PRKCE: variants seen among roughly 807,000 people sequenced by gnomAD.
The protein encoded by PRKCE is protein kinase C epsilon.
A neutral mutation model predicts 85.4 loss-of-function variants in PRKCE; 16 were observed. That is an observed-to-expected ratio of 0.19 (90% CI 0.13 to 0.28). The LOEUF is 0.28. Ranked by LOEUF, PRKCE falls within the 10% of genes least tolerant of loss-of-function variation. The pLI, the probability that PRKCE is intolerant of heterozygous loss-of-function variation, is 1.00. For missense variants in PRKCE, 573 were observed against 975.2 expected, an observed-to-expected ratio of 0.59 and a Z score of 5.49; for synonymous variants, 388 against 371.5, an observed-to-expected ratio of 1.04 and a Z score of -0.51.
At chr2:45,801,308 G>A (rs1040558028) in intron 1 of PRKCE, among the ~76,000 whole-genome samples, 9 of 152,302 alleles carry the variant, frequency 5.9e-5, no homozygotes, top group Admixed American at 5.9e-4. Flanking sequence ...CCTTATTAGA[G>A]GTTGGATTTA....
rs185298576 is a variant in PRKCE at position 46,005,778 on chromosome 2, C to T, written c.1063+1140C>T. Reference sequence around the variant, plus strand: ...TCCCTCTTCGTGCTACTCCAATTAACTTTCTGTGTCTTTATACTCTACCTC... The same window carrying T: ...TCCCTCTTCGTGCTACTCCAATTAATTTTCTGTGTCTTTATACTCTACCTC... On this transcript the variant is annotated intron_variant, in intron 8 of 14. Transcript: ENST00000306156. Among the ~76,000 whole-genome samples the T allele has an allele frequency of 8.5e-5, 13 of 152,300 alleles. No individual in the cohort carries two copies. The East Asian group carries it at 2.3e-3, about 27-fold the overall frequency.
chr2:45,955,700 C>T (rs1170031294), intron 2 of PRKCE, among the ~76,000 whole-genome samples: 1 of 152,124 alleles, frequency 6.6e-6, no homozygotes, highest in Non-Finnish European at 1.5e-5. Context: ...GGCAGATGTT[C>T]ATTCTAAATT....
intron 6 of PRKCE, among the ~76,000 whole-genome samples, chr2:45,987,917 G>A (rs1202086848): frequency 6.6e-6 from 1 of 152,184 alleles, no homozygotes; most frequent in East Asian, 1.9e-4. Flanking sequence ...CCAAGGCAGG[G>A]GCTGCTTGTG....
intron 2 of PRKCE, among the ~76,000 whole-genome samples, chr2:45,849,096 G>A (rs559353774): frequency 1.6e-4 from 24 of 152,348 alleles, no homozygotes; most frequent in African/African-American, 5.3e-4. Flanking sequence ...GCAGTCGTCA[G>A]TATTGCAGGC....
At chr2:46,064,816 T>G (rs1342810179) in intron 10 of PRKCE, among the ~76,000 whole-genome samples, 3 of 152,202 alleles carry the variant, frequency 2.0e-5, no homozygotes, top group African/African-American at 7.2e-5. Context: ...TTATAGAATT[T>G]TGCTACTTGA....
At position 45,889,578 on chromosome 2, in the gene PRKCE, G is replaced by A. The variant is rs540432105; in HGVS notation, c.412+46515G>A. Among the ~76,000 whole-genome samples the A allele has an allele frequency of 3.3e-5, 5 of 152,004 alleles. No individual in the cohort carries two copies. In the South Asian group the frequency reaches 6.2e-4, roughly 19 times the overall value. On this transcript the variant is annotated intron_variant, in intron 2 of 14. Coordinates refer to ENST00000306156, the MANE Select transcript of PRKCE (RefSeq NM_005400.3). ...GTACTGGCTGTTGGTGGGGTGGGGT[G>A]GGGTGGGGGAAGCCCTCAAATCTGA...
chr2:45,978,956 A>T lies in PRKCE; in HGVS notation c.573-20A>T. The T allele has an allele frequency of 6.3e-7, 1 of 1,596,908 alleles. No individual in the cohort carries two copies. Among genetic ancestry groups the T allele is most frequent in the South Asian group, 1.1e-5 (1 of 90,376 alleles). On this transcript the variant is annotated intron_variant, in intron 3 of 14. Transcript: ENST00000306156. ...GGTAAGATTTCACTTTTTTTAAAAA[A>T]ATGTTATTCTTCTTTTCAGGGGTGT...
At chr2:45,678,148 A>T (rs1363496081) in intron 1 of PRKCE, among the ~76,000 whole-genome samples, 10 of 152,176 alleles carry the variant, frequency 6.6e-5, no homozygotes, top group Non-Finnish European at 1.2e-4. Context: ...TTGTGTGCAT[A>T]TGTGAATACA....
chr2:45,664,325 T>G (rs1012837500), intron 1 of PRKCE, among the ~76,000 whole-genome samples: 1 of 152,242 alleles, frequency 6.6e-6, no homozygotes, highest in Non-Finnish European at 1.5e-5. Context: ...GACAAATAAT[T>G]TAGCCTATAT....
intron 1 of PRKCE, among the ~76,000 whole-genome samples, chr2:45,787,430 T>G (rs556777570): frequency 6.6e-6 from 1 of 152,304 alleles, no homozygotes; most frequent in South Asian, 2.1e-4. Context: ...AGTCATCACC[T>G]CTGGGCAATG....
chr2:45,852,493 T>C (rs912665453), intron 2 of PRKCE, among the ~76,000 whole-genome samples: 2 of 152,158 alleles, frequency 1.3e-5, no homozygotes, highest in Non-Finnish European at 2.9e-5. Flanking sequence ...GCAGGCACCA[T>C]GCTAAGAGCT....
intron 2 of PRKCE, among the ~76,000 whole-genome samples, chr2:45,947,899 T>C (rs570113246): frequency 6.6e-6 from 1 of 152,342 alleles, no homozygotes; most frequent in African/African-American, 2.4e-5. Flanking sequence ...TAATAAAGTT[T>C]GGAGTTGTAA....
At chr2:45,964,044 T>C (rs1022652009) in intron 2 of PRKCE, among the ~76,000 whole-genome samples, 17 of 152,340 alleles carry the variant, frequency 1.1e-4, no homozygotes, top group African/African-American at 4.1e-4. Flanking sequence ...CTGGGTGATG[T>C]GGAATGGCTG....
At chr2:45,964,351 C>T (rs926745185) in intron 2 of PRKCE, among the ~76,000 whole-genome samples, 1 of 152,188 alleles carries the variant, frequency 6.6e-6, no homozygotes, top group Non-Finnish European at 1.5e-5. Flanking sequence ...GCTCAGGTGC[C>T]CGAGAATGCA....
At chr2:46,100,552 C>T (rs1232667073) in intron 11 of PRKCE, among the ~76,000 whole-genome samples, 1 of 152,168 alleles carries the variant, frequency 6.6e-6, no homozygotes, top group Non-Finnish European at 1.5e-5. Context: ...GAGACAACAC[C>T]CTCTCGGAAG....
chr2:45,886,043 C>T (rs1434414169), intron 2 of PRKCE, among the ~76,000 whole-genome samples: 2 of 152,202 alleles, frequency 1.3e-5, no homozygotes, highest in Non-Finnish European at 2.9e-5. Flanking sequence ...TCCTGCTCCT[C>T]CTCTTCCTCC....
In PRKCE at chr2:45,794,503, T is replaced by C. The variant is rs983119877; in HGVS notation, c.349-48497T>C. On this transcript the variant is annotated intron_variant, in intron 1 of 14. Coordinates refer to ENST00000306156, the MANE Select transcript of PRKCE (RefSeq NM_005400.3). Reference sequence around the variant, plus strand: ...CAGGGTGCCAATTCGTTCTCATTCCTGCGGTATTCTAGCACGGACCCTGAT... The same window carrying C: ...CAGGGTGCCAATTCGTTCTCATTCCCGCGGTATTCTAGCACGGACCCTGAT... Among the ~76,000 whole-genome samples the C allele has an allele frequency of 8.5e-5, 13 of 152,286 alleles. No homozygotes were observed. In the South Asian group the frequency reaches 2.5e-3, roughly 29 times the overall value.
chr2:45,946,866 A>G lies in PRKCE; in HGVS notation c.413-29563A>G, dbSNP rs538419650. Among the ~76,000 whole-genome samples the G allele has an allele frequency of 4.6e-5, 7 of 152,346 alleles. No homozygotes were observed. The South Asian group carries it at 1.4e-3, about 32-fold the overall frequency. On this transcript the variant is annotated intron_variant, in intron 2 of 14. Coordinates refer to ENST00000306156, the MANE Select transcript of PRKCE (RefSeq NM_005400.3). ...CTCCGCCTTAGAGGGGTCAACTCCT[A>G]TTAACTGTGCATATGTAAAGTCTCC...
intron 1 of PRKCE, among the ~76,000 whole-genome samples, chr2:45,764,147 G>A (rs1317467037): frequency 6.6e-6 from 1 of 152,134 alleles, no homozygotes; most frequent in Non-Finnish European, 1.5e-5. Context: ...ACCAAAAAGA[G>A]TCCTCCCACA....
Sources: gnomAD v4.1 joint callset for allele counts (sites outside exome capture counted in the v4.1 genomes callset) on GRCh38, gnomAD v4.1.1 for gene constraint, MANE v1.5 for transcripts, NCBI Gene and HGNC (gene_info 2026-07-23, HGNC 2026-07-21) for gene names.